FAAH2: variants seen among roughly 807,000 people sequenced by gnomAD.
The protein encoded by FAAH2 is fatty-acid amide hydrolase 2.
Under a neutral mutation model 36.9 loss-of-function variants are expected in FAAH2, and 60 were observed. The observed-to-expected ratio is 1.63, with a 90% confidence interval of 1.32 to 2.02. The LOEUF (loss-of-function observed/expected upper bound fraction) is 2.02. Among genes scored for constraint, FAAH2 ranks in the 30% most tolerant of loss-of-function variants. The pLI is 0.00. For missense variants in FAAH2, 689 were observed against 397.5 expected, an observed-to-expected ratio of 1.73 and a Z score of -6.23; for synonymous variants, 214 against 143.8, an observed-to-expected ratio of 1.49 and a Z score of -3.49.
chrX:57,279,402 T>C, the FAAH2 span, among the ~76,000 whole-genome samples: 1 of 111,833 alleles, frequency 8.9e-6, no homozygotes, highest in South Asian at 3.8e-4. Flanking sequence ...AGTTGAACAA[T>C]GAGAACACAT....
chrX:57,455,047 A>G (rs1017067614), intron 10 of FAAH2, among the ~76,000 whole-genome samples: 5 of 111,645 alleles, frequency 4.5e-5, no homozygotes, highest in Non-Finnish European at 9.4e-5. Context: ...AAAGTAGCTA[A>G]AGAGAAAAAT....
At chrX:57,452,884 T>G (rs1412181596) in intron 10 of FAAH2, among the ~76,000 whole-genome samples, 1 of 112,244 alleles carries the variant, frequency 8.9e-6, no homozygotes, top group Non-Finnish European at 1.9e-5. Context: ...AGCTGGGATC[T>G]GTTTTCCCCT....
chrX:57,328,361 T>A (rs767956077), intron 3 of FAAH2, among the ~76,000 whole-genome samples: 1 of 111,621 alleles, frequency 9.0e-6, no homozygotes, highest in Non-Finnish European at 1.9e-5. Context: ...ATGCCACTTG[T>A]TATTTTTTCA....
chrX:57,427,249 A>G (rs2056185247), intron 7 of FAAH2, among the ~76,000 whole-genome samples: 1 of 110,872 alleles, frequency 9.0e-6, no homozygotes, highest in Non-Finnish European at 1.9e-5. Flanking sequence ...TAATAATATT[A>G]AAAAACTTCC....
intron 3 of FAAH2, among the ~76,000 whole-genome samples, chrX:57,315,453 CAG>C (rs2052809826): frequency 9.0e-6 from 1 of 111,439 alleles, no homozygotes; most frequent in African/African-American, 3.3e-5. Context: ...AGAGACACAA[CAG>C]AAAACAAAAA....
the FAAH2 span, among the ~76,000 whole-genome samples, chrX:57,227,240 C>T: frequency 4.9e-4 from 54 of 110,813 alleles, no homozygotes; most frequent in Admixed American, 8.7e-4. Context: ...GTCATATTAC[C>T]AGGGTTGGTT....
At chrX:57,488,686 T>C in intron 10 of FAAH2, 71 bp from the exon 11 acceptor site, 1 of 1,023,780 alleles carries the variant, frequency 9.8e-7, no homozygotes, top group Non-Finnish European at 1.3e-6. Flanking sequence ...TTATTATTGG[T>C]AAAATAATTG....
intron 4 of FAAH2, among the ~76,000 whole-genome samples, chrX:57,334,246 G>A (rs760415307): frequency 1.4e-5 from 1 of 69,065 alleles, no homozygotes; most frequent in South Asian, 8.7e-4. Context: ...CTCCAGCCTA[G>A]GTGACAGAGG....
chrX:57,452,589 G>C (rs182915029), intron 10 of FAAH2, among the ~76,000 whole-genome samples: 122 of 112,343 alleles, frequency 1.1e-3, no homozygotes, highest in Non-Finnish European at 1.7e-3. Context: ...TATGTAATCC[G>C]CATTGACTAG....
At chrX:57,126,027 G>A in the FAAH2 span, among the ~76,000 whole-genome samples, 2 of 112,196 alleles carry the variant, frequency 1.8e-5, no homozygotes, top group East Asian at 5.6e-4. Context: ...AAACATAAAT[G>A]AATCTCTGAA....
the FAAH2 span, among the ~76,000 whole-genome samples, chrX:57,196,708 T>C: frequency 8.9e-6 from 1 of 111,948 alleles, no homozygotes; most frequent in African/African-American, 3.2e-5. Flanking sequence ...TAGATAGCTT[T>C]TATTAAATTG....
At chrX:57,249,977 G>A in the FAAH2 span, among the ~76,000 whole-genome samples, 1 of 111,511 alleles carries the variant, frequency 9.0e-6, no homozygotes, top group Non-Finnish European at 1.9e-5. Flanking sequence ...TTCTGAAATG[G>A]CTAGTTTAGT....
At chrX:57,394,105 A>G in intron 7 of FAAH2, 2 of 721,884 alleles carry the variant, frequency 2.8e-6, no homozygotes, top group Non-Finnish European at 2.2e-6. Context: ...CAGTGATGGC[A>G]TGGATGTCAC....
intron 7 of FAAH2, among the ~76,000 whole-genome samples, chrX:57,428,975 C>T (rs1221421585): frequency 9.0e-6 from 1 of 111,266 alleles, no homozygotes; most frequent in Non-Finnish European, 1.9e-5. Context: ...TATTTACAAA[C>T]AATACATCCA....
At chrX:57,406,338 C>T (rs1275012822) in intron 7 of FAAH2, among the ~76,000 whole-genome samples, 2 of 112,315 alleles carry the variant, frequency 1.8e-5, no homozygotes, top group South Asian at 3.7e-4. Flanking sequence ...TTATCTTGCA[C>T]GTTAGCACTA....
chrX:57,316,291 C>T (rs567565815), intron 3 of FAAH2, among the ~76,000 whole-genome samples: 8 of 111,446 alleles, frequency 7.2e-5, no homozygotes, highest in South Asian at 7.5e-4. Flanking sequence ...TTGATGAAAT[C>T]GCCATACATC....
At chrX:57,295,056 C>T (rs1041654357) in intron 2 of FAAH2, among the ~76,000 whole-genome samples, 3 of 111,876 alleles carry the variant, frequency 2.7e-5, no homozygotes, top group African/African-American at 9.7e-5. Context: ...TCTAGGAGCT[C>T]AAAGGAAATG....
the FAAH2 span, among the ~76,000 whole-genome samples, chrX:57,275,108 A>G: frequency 0.071 from 7,914 of 111,747 alleles, 701 homozygotes; most frequent in African/African-American, 0.25. Context: ...TTATACACCA[A>G]TAACAGACAA....
At chrX:57,249,795 C>A in the FAAH2 span, among the ~76,000 whole-genome samples, 1 of 111,858 alleles carries the variant, frequency 8.9e-6, no homozygotes. Flanking sequence ...ATTTAAAATC[C>A]ATTTTAATTT....
Sources: gnomAD v4.1 joint callset for allele counts (sites outside exome capture counted in the v4.1 genomes callset) on GRCh38, gnomAD v4.1.1 for gene constraint, MANE v1.5 for transcripts, NCBI Gene and HGNC (gene_info 2026-07-23, HGNC 2026-07-21) for gene names.